CPED1: variants seen among roughly 807,000 people sequenced by gnomAD.
CPED1 encodes the protein cadherin-like and PC-esterase domain-containing protein 1.
In CPED1, 114 loss-of-function variants were observed where a neutral mutation model predicts 128.2. The ratio of observed to expected loss-of-function variants is 0.89; its 90% confidence interval spans 0.76 to 1.04. The LOEUF (loss-of-function observed/expected upper bound fraction) is 1.04. Ranked by LOEUF, CPED1 falls within the 50% of genes least tolerant of loss-of-function variation. CPED1 has a pLI of 0.00. For missense variants in CPED1, 1,211 were observed against 1,207.1 expected, an observed-to-expected ratio of 1.00 and a Z score of -0.05; for synonymous variants, 462 against 426.7, an observed-to-expected ratio of 1.08 and a Z score of -1.02.
intron 16 of CPED1, among the ~76,000 whole-genome samples, chr7:121,150,121 T>C (rs1226991106): frequency 6.6e-6 from 1 of 151,840 alleles, no homozygotes; most frequent in Admixed American, 6.6e-5. Flanking sequence ...TGTTTTGTGA[T>C]GCTGAGGTTT....
At chr7:121,212,332 A>G (rs1797664238) in intron 16 of CPED1, among the ~76,000 whole-genome samples, 2 of 152,018 alleles carry the variant, frequency 1.3e-5, no homozygotes, top group Admixed American at 1.3e-4. Flanking sequence ...TTTATAAATC[A>G]GGGTCCAGTA....
chr7:121,237,031 C>A (rs1798275351), intron 17 of CPED1, among the ~76,000 whole-genome samples, 200 bp downstream of exon 17: 1 of 152,058 alleles, frequency 6.6e-6, no homozygotes, highest in African/African-American at 2.4e-5. Flanking sequence ...TTCTTCTCCC[C>A]TTTTTGCCCA....
chr7:121,128,509 T>C lies in CPED1; in HGVS notation c.1407+23T>C, dbSNP rs369310003. 6.3e-6 allele frequency: 8 copies of C among 1,264,522 alleles called. No individual in the cohort carries two copies. The African/African-American group carries it at 1.2e-4, about 19-fold the overall frequency. 78.3% of individuals were successfully genotyped at this position (1,264,522 alleles called of 1,614,324 possible). A position where few individuals can be genotyped will look rare whatever the true frequency, so the allele number is the denominator to read the frequency against. ...CTGGTAAAGCAAAAGTGACATTTGATTCTTTCTTGGTGACTGGGATTAGAG... is the reference window on the plus strand; with the variant it reads ...CTGGTAAAGCAAAAGTGACATTTGACTCTTTCTTGGTGACTGGGATTAGAG... On this transcript the variant is annotated intron_variant, in intron 11 of 22. Coordinates refer to ENST00000310396, the MANE Select transcript of CPED1 (RefSeq NM_024913.5).
In CPED1 at chr7:121,297,277, G is replaced by A. The variant is rs1423359356; in HGVS notation, c.*1625G>A. 6.6e-6 allele frequency: 1 copy of A among 151,796 alleles called. No individual in the cohort carries two copies. The highest frequency in any genetic ancestry group is 1.5e-5 in the Non-Finnish European group (1 of 67,946). 9.4% of individuals were successfully genotyped at this position (151,796 alleles called of 1,614,324 possible). A position where few individuals can be genotyped will look rare whatever the true frequency, so the allele number is the denominator to read the frequency against. On this transcript the variant is annotated 3_prime_UTR_variant, in exon 23 of 23. Transcript: ENST00000310396. ...CCTCTCCATCATGTTTTAACATACT[G>A]TATACTCTATAGCAGTATTACAGTC... is the stretch of plus-strand genomic sequence containing the variant.
intron 22 of CPED1, among the ~76,000 whole-genome samples, chr7:121,274,282 A>G (rs573173951): frequency 1.3e-5 from 2 of 152,256 alleles, no homozygotes; most frequent in South Asian, 2.1e-4. Flanking sequence ...AACCATCAGC[A>G]CTAGAATATT....
intron 16 of CPED1, among the ~76,000 whole-genome samples, chr7:121,177,954 C>T (rs1189151313): frequency 6.6e-6 from 1 of 152,046 alleles, no homozygotes; most frequent in Non-Finnish European, 1.5e-5. Context: ...CCCTTATTGT[C>T]ATCCCCAAGA....
intron 4 of CPED1, chr7:121,051,824 T>G (rs1321308436): frequency 6.4e-6 from 1 of 156,800 alleles, no homozygotes; most frequent in Non-Finnish European, 1.4e-5. Flanking sequence ...CATGTGAAGA[T>G]ATTGATAGCC....
In CPED1 at chr7:121,044,650, C is replaced by CTTTTTTTTTT. The variant is rs58884492; in HGVS notation, c.434-2227_434-2218dup. 1.8e-4 allele frequency among the ~76,000 whole-genome samples: 19 copies of CTTTTTTTTTT among 106,044 alleles called. 1 individual carries two copies. The highest frequency in any genetic ancestry group is 4.1e-4 in the African/African-American group (12 of 29,328). 69.6% of individuals were successfully genotyped at this position (106,044 alleles called of 152,430 possible). ...TTGCTGAGAGCAGTGACTTTCTGCT[C>CTTTTTTTTTT]TTTTTTTTTTTTTTTTTTTGCTATT... On this transcript the variant is annotated intron_variant, in intron 3 of 22. Coordinates refer to ENST00000310396, the MANE Select transcript of CPED1 (RefSeq NM_024913.5).
At chr7:121,172,483 C>T (rs1796669503) in intron 16 of CPED1, among the ~76,000 whole-genome samples, 1 of 151,658 alleles carries the variant, frequency 6.6e-6, no homozygotes, top group African/African-American at 2.4e-5. Context: ...TAGATTGCTG[C>T]TTTCTTCTAG....
intron 3 of CPED1, among the ~76,000 whole-genome samples, chr7:121,046,053 A>C (rs773586961): frequency 1.3e-5 from 2 of 152,008 alleles, no homozygotes; most frequent in Non-Finnish European, 2.9e-5. Context: ...AGATATATAG[A>C]TATATAGCAA....
At chr7:121,216,059 C>T (rs531576905) in intron 16 of CPED1, among the ~76,000 whole-genome samples, 5 of 151,938 alleles carry the variant, frequency 3.3e-5, no homozygotes, top group Non-Finnish European at 7.4e-5. Flanking sequence ...AGATTTGGGC[C>T]GTGTATCCTC....
At chr7:121,015,504 G>A (rs1792277908) in intron 2 of CPED1, among the ~76,000 whole-genome samples, 161 bp from the exon 3 acceptor site, 2 of 152,148 alleles carry the variant, frequency 1.3e-5, no homozygotes, top group African/African-American at 2.4e-5. Flanking sequence ...TTGCATATGA[G>A]GTCATCTTTG....
intron 16 of CPED1, among the ~76,000 whole-genome samples, chr7:121,150,301 A>C (rs1333598341): frequency 6.6e-6 from 1 of 151,454 alleles, no homozygotes; most frequent in Admixed American, 6.6e-5. Flanking sequence ...AATATGTGGT[A>C]TTTGGTTTTT....
chr7:121,099,908 G>GT lies in CPED1; in HGVS notation c.750-3dup, dbSNP rs33990520. On this transcript the variant is annotated splice_polypyrimidine_tract_variant and intron_variant, in intron 6 of 22. Transcript: ENST00000310396. ...CCCTACATTATGGAGCGCTAACTAT[G>GT]TTTTTTTTTTTTTTTAGGAATGAAA... 6,826 of 1,489,794 alleles carry GT rather than the reference G, an allele frequency of 4.6e-3. No homozygotes were observed. Among genetic ancestry groups the GT allele is most frequent in the South Asian group, 0.012 (973 of 83,512 alleles). The allele number at this position is 1,489,794 out of a possible 1,614,324, so 92.3% of individuals were successfully genotyped here.
chr7:121,084,536 C>T (rs1794374565), intron 5 of CPED1, among the ~76,000 whole-genome samples: 1 of 152,158 alleles, frequency 6.6e-6, no homozygotes, highest in African/African-American at 2.4e-5. Flanking sequence ...GGTCACATTG[C>T]TATTGGTGAT....
intron 14 of CPED1, 34 bp from the exon 15 acceptor site, chr7:121,140,793 G>A (rs1456889049): frequency 6.7e-7 from 1 of 1,499,936 alleles, no homozygotes. Context: ...CCACTTCACA[G>A]TTGTCTTTGT....
intron 14 of CPED1, among the ~76,000 whole-genome samples, chr7:121,138,777 G>A (rs10248019): frequency 0.2 from 31,032 of 152,000 alleles, 3,856 homozygotes; most frequent in African/African-American, 0.35. Flanking sequence ...GCAGAAAAGT[G>A]CGACTGTTTC....
chr7:121,069,291 G>A (rs1793931916), intron 5 of CPED1, among the ~76,000 whole-genome samples: 1 of 152,098 alleles, frequency 6.6e-6, no homozygotes, highest in Non-Finnish European at 1.5e-5. Flanking sequence ...AAACTTACTT[G>A]TACTTCAGTT....
intron 16 of CPED1, among the ~76,000 whole-genome samples, chr7:121,163,869 G>A (rs775523411): frequency 8.5e-5 from 13 of 152,128 alleles, no homozygotes; most frequent in South Asian, 2.1e-4. Flanking sequence ...ATGGGCAACA[G>A]GTTTGTCTTT....
Sources: allele counts gnomAD v4.1 joint callset (sites outside exome capture counted in the v4.1 genomes callset), GRCh38; gene constraint gnomAD v4.1.1; transcripts MANE v1.5; gene names NCBI Gene and HGNC (gene_info 2026-07-23, HGNC 2026-07-21).